SUGCT: variants seen among roughly 807,000 people sequenced by gnomAD.
The protein encoded by SUGCT is succinyl-CoA:glutarate CoA-transferase.
SUGCT carries 41 observed loss-of-function variants against 55.0 expected under a neutral mutation model. The ratio of observed to expected loss-of-function variants is 0.74; its 90% confidence interval spans 0.58 to 0.97. The LOEUF is 0.97. Among genes scored for constraint, SUGCT ranks in the 50% least tolerant of loss-of-function variants. The pLI is 0.00. For missense variants in SUGCT, 568 were observed against 547.8 expected, an observed-to-expected ratio of 1.04 and a Z score of -0.37; for synonymous variants, 187 against 200.4, an observed-to-expected ratio of 0.93 and a Z score of 0.56.
intron 6 of SUGCT, among the ~76,000 whole-genome samples, chr7:40,231,417 A>C (rs573067999): frequency 6.6e-6 from 1 of 152,292 alleles, no homozygotes; most frequent in African/African-American, 2.4e-5. Context: ...AAAAATATAA[A>C]AGTATCCACT....
chr7:40,941,349 G>T, the SUGCT span, among the ~76,000 whole-genome samples: 3 of 151,948 alleles, frequency 2.0e-5, no homozygotes, highest in Non-Finnish European at 4.4e-5. Context: ...TCACTCAGGG[G>T]CAAATTATTT....
chr7:40,543,956 G>A (rs752990535), intron 12 of SUGCT, among the ~76,000 whole-genome samples: 2 of 152,122 alleles, frequency 1.3e-5, no homozygotes, highest in Non-Finnish European at 2.9e-5. Context: ...CTGTTTTCAG[G>A]TATGGCTTCA....
chr7:40,158,232 C>T (rs1366795213), intron 1 of SUGCT, among the ~76,000 whole-genome samples: 2 of 151,608 alleles, frequency 1.3e-5, no homozygotes, highest in East Asian at 2.0e-4. Flanking sequence ...TTTTCATTTC[C>T]AATTATGCAA....
chr7:40,764,628 A>T (rs1234283865), intron 13 of SUGCT, among the ~76,000 whole-genome samples: 1 of 152,220 alleles, frequency 6.6e-6, no homozygotes, highest in Non-Finnish European at 1.5e-5. Flanking sequence ...AATTCAAGAG[A>T]GTAGGGTGGA....
intron 12 of SUGCT, among the ~76,000 whole-genome samples, chr7:40,740,613 G>A (rs921416122): frequency 2.0e-5 from 3 of 150,396 alleles, no homozygotes; most frequent in Non-Finnish European, 4.4e-5. Flanking sequence ...TAGAGGAAAA[G>A]CATTCAGTAT....
chr7:40,948,035 G>C, the SUGCT span, among the ~76,000 whole-genome samples: 1 of 152,168 alleles, frequency 6.6e-6, no homozygotes, highest in Non-Finnish European at 1.5e-5. Context: ...TGGAGAAGAA[G>C]TAACTAATGC....
chr7:40,485,269 C>G (rs1309324371), intron 11 of SUGCT, among the ~76,000 whole-genome samples: 1 of 151,780 alleles, frequency 6.6e-6, no homozygotes, highest in Non-Finnish European at 1.5e-5. Context: ...ACCTGACTGC[C>G]TGTGAATTTC....
At chr7:40,509,584 G>GT (rs944179170) in intron 12 of SUGCT, among the ~76,000 whole-genome samples, 17 of 151,882 alleles carry the variant, frequency 1.1e-4, no homozygotes, top group East Asian at 1.9e-4. Flanking sequence ...TTAATTGAGG[G>GT]TTTTTTTTAC....
At chr7:40,820,730 C>T (rs529088769) in intron 13 of SUGCT, among the ~76,000 whole-genome samples, 63 of 152,274 alleles carry the variant, frequency 4.1e-4, no homozygotes, top group South Asian at 8.3e-4. Flanking sequence ...ATTTGACTTC[C>T]TCTTTTCCTA....
At chr7:40,595,697 T>A (rs1446605575) in intron 12 of SUGCT, among the ~76,000 whole-genome samples, 1 of 152,060 alleles carries the variant, frequency 6.6e-6, no homozygotes, top group Non-Finnish European at 1.5e-5. Flanking sequence ...TATAACTAGT[T>A]ACACCACTCC....
chr7:40,403,713 A>G (rs1786210885), intron 9 of SUGCT, among the ~76,000 whole-genome samples: 1 of 152,200 alleles, frequency 6.6e-6, no homozygotes, highest in East Asian at 1.9e-4. Context: ...ATGTGATTAG[A>G]TGATTCACAA....
intron 8 of SUGCT, among the ~76,000 whole-genome samples, chr7:40,284,059 C>G (rs953027221): frequency 2.6e-5 from 4 of 151,150 alleles, no homozygotes; most frequent in African/African-American, 4.9e-5. Context: ...AGAAAAATAT[C>G]ACATGGTCTC....
intron 9 of SUGCT, among the ~76,000 whole-genome samples, chr7:40,349,539 T>C (rs566835470): frequency 6.6e-6 from 1 of 152,310 alleles, no homozygotes; most frequent in South Asian, 2.1e-4. Context: ...TCCTACTTGG[T>C]GTTGTCAGTG....
At chr7:40,513,970 T>G (rs1793090805) in intron 12 of SUGCT, among the ~76,000 whole-genome samples, 1 of 151,810 alleles carries the variant, frequency 6.6e-6, no homozygotes, top group East Asian at 1.9e-4. Flanking sequence ...TTTTGTATTT[T>G]TAGTGTAGAC....
rs537148423 is a variant in SUGCT, at chr7:40,440,528, A to G, written c.817-8759A>G. ...CTTACTCATGTGAACTTGTCACTGG[A>G]CTATCTCAAAAGCTCCTTAGAAACT... On this transcript the variant is annotated intron_variant, in intron 9 of 13. Transcript: ENST00000335693. Among the ~76,000 whole-genome samples, 9 of 152,182 alleles carry G rather than the reference A, an allele frequency of 5.9e-5. No homozygotes were observed. In the South Asian group the frequency reaches 1.9e-3, roughly 32 times the overall value.
intron 12 of SUGCT, among the ~76,000 whole-genome samples, chr7:40,609,458 T>C (rs542879385): frequency 6.6e-6 from 1 of 151,246 alleles, no homozygotes; most frequent in South Asian, 2.1e-4. Flanking sequence ...TCCCAGCTAC[T>C]TGGGAGGCTG....
Position 40,274,662 on chromosome 7 carries a change from A to C in SUGCT, c.720+6A>C. 1 of 1,612,780 alleles carries C rather than the reference A, an allele frequency of 6.2e-7. No individual in the cohort carries two copies. The highest frequency in any genetic ancestry group is 8.5e-7 in the Non-Finnish European group (1 of 1,179,034). ...GTAACCTACTGTCATCCCAGGTAACAATCCAACTAACATTTCAGATAATGT... is the reference window on the plus strand; with the variant it reads ...GTAACCTACTGTCATCCCAGGTAACCATCCAACTAACATTTCAGATAATGT... On this transcript the variant is annotated splice_donor_region_variant and intron_variant, in intron 8 of 13. Coordinates refer to ENST00000335693, the MANE Select transcript of SUGCT (RefSeq NM_001193313.2).
the SUGCT span, among the ~76,000 whole-genome samples, chr7:40,883,697 T>C: frequency 6.6e-6 from 1 of 152,224 alleles, no homozygotes; most frequent in African/African-American, 2.4e-5. Context: ...AGGGTGGGAC[T>C]TTCCAGGATG....
At chr7:40,602,360 C>T (rs1450401629) in intron 12 of SUGCT, among the ~76,000 whole-genome samples, 2 of 152,146 alleles carry the variant, frequency 1.3e-5, no homozygotes, top group African/African-American at 4.8e-5. Flanking sequence ...GAAGAGGGCT[C>T]CCTGCTTCTG....
Sources: allele counts gnomAD v4.1 joint callset (sites outside exome capture counted in the v4.1 genomes callset), GRCh38; gene constraint gnomAD v4.1.1; transcripts MANE v1.5; gene names NCBI Gene and HGNC (gene_info 2026-07-23, HGNC 2026-07-21).